Variants in GRM7 observed in about 807,000 individuals in gnomAD.
The protein encoded by GRM7 is glutamate metabotropic receptor 7.
A neutral mutation model predicts 84.5 loss-of-function variants in GRM7; 35 were observed. That is an observed-to-expected ratio of 0.41 (90% CI 0.32 to 0.55). The LOEUF (loss-of-function observed/expected upper bound fraction) is 0.55. GRM7 is among the 20% of genes least tolerant of loss of function. GRM7 has a pLI of 0.19. For synonymous variants in GRM7, 487 were observed against 455.1 expected, an observed-to-expected ratio of 1.07 and a Z score of -0.89; for missense variants, 1,003 against 1,194.6, an observed-to-expected ratio of 0.84 and a Z score of 2.36.
At chr3:7,643,874 C>T (rs969119100) in intron 8 of GRM7, among the ~76,000 whole-genome samples, 2 of 151,954 alleles carry the variant, frequency 1.3e-5, no homozygotes, top group African/African-American at 4.8e-5. Context: ...TGTTCTTTCC[C>T]TTAACATGTC....
chr3:7,292,613 A>G lies in GRM7; in HGVS notation c.737-6071A>G, dbSNP rs528531393. 2.0e-5 allele frequency among the ~76,000 whole-genome samples: 3 copies of G among 152,166 alleles called. No homozygotes were observed. The South Asian group carries it at 6.2e-4, about 32-fold the overall frequency. On this transcript the variant is annotated intron_variant, in intron 2 of 9. Transcript: ENST00000357716. ...AGACCCAGTCCTTCAACTATGATGA[A>G]TATTATCTCTGTGAAACTCTTTGGA...
intron 1 of GRM7, among the ~76,000 whole-genome samples, chr3:7,139,491 G>A (rs1484877753): frequency 6.6e-6 from 1 of 151,946 alleles, no homozygotes; most frequent in Non-Finnish European, 1.5e-5. Flanking sequence ...GGGAAATTTT[G>A]ATTTTGTAGA....
intron 1 of GRM7, among the ~76,000 whole-genome samples, chr3:7,117,055 G>A (rs1230659089): frequency 6.6e-6 from 1 of 152,116 alleles, no homozygotes; most frequent in African/African-American, 2.4e-5. Context: ...GAAGTGTTGG[G>A]GTTAAGCACT....
At chr3:7,147,869 A>G (rs944353849) in intron 2 of GRM7, among the ~76,000 whole-genome samples, 2 of 152,172 alleles carry the variant, frequency 1.3e-5, no homozygotes, top group African/African-American at 4.8e-5. Context: ...TTAAAATGCA[A>G]CACTCGGAAA....
chr3:7,492,161 G>A (rs1699542706), intron 7 of GRM7, among the ~76,000 whole-genome samples: 2 of 152,176 alleles, frequency 1.3e-5, no homozygotes, highest in African/African-American at 4.8e-5. Context: ...ATATTGGTCT[G>A]TGGTTATTGT....
intron 8 of GRM7, among the ~76,000 whole-genome samples, chr3:7,581,062 T>C (rs1277351987): frequency 2.0e-5 from 3 of 152,198 alleles, no homozygotes; most frequent in Non-Finnish European, 4.4e-5. Context: ...AAGTTTATTC[T>C]TGGGGAACAT....
chr3:6,912,805 T>C (rs138673953), intron 1 of GRM7, among the ~76,000 whole-genome samples: 28 of 152,164 alleles, frequency 1.8e-4, no homozygotes, highest in Non-Finnish European at 3.2e-4. Context: ...TTTAAAATAA[T>C]TTTTTAGAAT....
chr3:7,221,912 T>C (rs112211289), intron 2 of GRM7, among the ~76,000 whole-genome samples: 2,011 of 150,714 alleles, frequency 0.013, 38 homozygotes, highest in African/African-American at 0.047. Flanking sequence ...GTTCAAGCAA[T>C]TCTCCTGGCT....
chr3:7,371,205 A>T (rs1398708280), intron 4 of GRM7, among the ~76,000 whole-genome samples: 2 of 152,180 alleles, frequency 1.3e-5, no homozygotes, highest in Non-Finnish European at 2.9e-5. Flanking sequence ...GACGTAGAAG[A>T]AAAGTGTTGT....
At chr3:7,323,829 T>A (rs2125056973) in intron 4 of GRM7, among the ~76,000 whole-genome samples, 1 of 152,296 alleles carries the variant, frequency 6.6e-6, no homozygotes, top group Middle Eastern at 3.4e-3. Flanking sequence ...CCAGGTATTA[T>A]GAAATGTAAT....
chr3:7,718,509 C>G (rs746546868), intron 9 of GRM7, among the ~76,000 whole-genome samples: 1 of 152,134 alleles, frequency 6.6e-6, no homozygotes, highest in Admixed American at 6.6e-5. Flanking sequence ...CTTGGAAATA[C>G]GGCATTAATA....
chr3:7,506,763 A>G (rs1361866702), intron 7 of GRM7, among the ~76,000 whole-genome samples: 1 of 152,144 alleles, frequency 6.6e-6, no homozygotes, highest in Non-Finnish European at 1.5e-5. Flanking sequence ...TATTTCCCAG[A>G]TAATAAACCC....
chr3:7,441,621 A>G (rs1253567165), intron 5 of GRM7, among the ~76,000 whole-genome samples: 1 of 152,144 alleles, frequency 6.6e-6, no homozygotes, highest in African/African-American at 2.4e-5. Flanking sequence ...TAAGTTTTAC[A>G]TTTAAGTTTT....
rs763387881 is a variant in GRM7, at chr3:7,452,758, A to C, written c.1326A>C (p.Gln442His). Residue 442 changes from glutamine to histidine, a missense_variant, in exon 6 of 10, where the codon CAA becomes CAC. Physicochemically the swap from Gln to His is conservative, Grantham distance 24. Transcript: ENST00000357716. Reference protein sequence around the residue: ...DYRGVCPEMEQAGGKKLLKYI... With the variant: ...DYRGVCPEMEHAGGKKLLKYI... ...GGGGTGTCTGCCCAGAGATGGAGCA[A>C]GCTGGAGGCAAGAAGTTGCTGAAGT... 6 of 1,613,426 alleles carry C rather than the reference A, an allele frequency of 3.7e-6. No individual in the cohort carries two copies. The highest frequency in any genetic ancestry group is 1.3e-5 in the African/African-American group (1 of 74,910).
chr3:7,675,899 G>T (rs895597500), intron 8 of GRM7, among the ~76,000 whole-genome samples: 1 of 152,008 alleles, frequency 6.6e-6, no homozygotes, highest in Non-Finnish European at 1.5e-5. Flanking sequence ...TTACTTCTTC[G>T]TAATGACCAC....
intron 2 of GRM7, among the ~76,000 whole-genome samples, chr3:7,241,577 T>C (rs1418907859): frequency 6.6e-6 from 1 of 152,036 alleles, no homozygotes; most frequent in Non-Finnish European, 1.5e-5. Flanking sequence ...TCAAGATATA[T>C]CAGATATGAC....
At position 7,221,259 on chromosome 3, in the gene GRM7, T is replaced by C. The variant is rs1696791930; in HGVS notation, c.736+74591T>C. ...AAATGTTTGTTAAACATTTGGTTTT[T>C]TGCTACTCTGATAGGTTAAAAGAAG... On this transcript the variant is annotated intron_variant, in intron 2 of 9. Coordinates refer to ENST00000357716, the MANE Select transcript of GRM7 (RefSeq NM_000844.4). 2.6e-5 allele frequency among the ~76,000 whole-genome samples: 4 copies of C among 152,334 alleles called. No individual in the cohort carries two copies. The South Asian group carries it at 6.2e-4, about 24-fold the overall frequency.
chr3:7,181,866 C>T (rs191124283), intron 2 of GRM7, among the ~76,000 whole-genome samples: 37 of 152,268 alleles, frequency 2.4e-4, no homozygotes, highest in Non-Finnish European at 1.0e-4. Context: ...CCTCCTTGGC[C>T]TCCTGAATTG....
intron 7 of GRM7, among the ~76,000 whole-genome samples, chr3:7,521,807 G>A (rs1431795284): frequency 1.3e-5 from 2 of 152,120 alleles, no homozygotes; most frequent in Non-Finnish European, 2.9e-5. Flanking sequence ...CTCCCAAGTA[G>A]ACACGTAGAA....
Sources: gnomAD v4.1 joint callset for allele counts (sites outside exome capture counted in the v4.1 genomes callset) on GRCh38, gnomAD v4.1.1 for gene constraint, MANE v1.5 for transcripts, NCBI Gene and HGNC (gene_info 2026-07-23, HGNC 2026-07-21) for gene names.